Variants in PRKCH observed in about 807,000 individuals in gnomAD.
PRKCH encodes protein kinase C eta type.
A neutral mutation model predicts 82.5 loss-of-function variants in PRKCH; 28 were observed. The ratio of observed to expected loss-of-function variants is 0.34; its 90% CI spans 0.25 to 0.47. The LOEUF (loss-of-function observed/expected upper bound fraction) is 0.47, where lower values mean the gene tolerates loss of function less well. Among genes scored for constraint, PRKCH ranks in the 20% least tolerant of loss-of-function variants. The pLI, the probability that PRKCH is intolerant of heterozygous loss-of-function variation, is 1.00. For missense variants in PRKCH, 705 were observed against 881.8 expected (o/e 0.80, Z 2.54); for synonymous variants, 322 against 327.4 (o/e 0.98, Z 0.18).
chr14:61,303,845 T>A (rs1210839934), intron 1 of PRKCH: 1 of 27,544 alleles, frequency 3.6e-5, no homozygotes, highest in Non-Finnish European at 2.8e-4. Flanking sequence ...ATGTCTGTAT[T>A]TTTTTTTTTT....
intron 1 of PRKCH, among the ~76,000 whole-genome samples, chr14:61,381,070 G>T (rs2046502406): frequency 6.6e-6 from 1 of 152,146 alleles, no homozygotes. Context: ...TACTTGCCCT[G>T]TACAAAGTTC....
At chr14:61,339,517 G>GTTT (rs764902963) in intron 1 of PRKCH, among the ~76,000 whole-genome samples, 2 of 148,284 alleles carry the variant, frequency 1.3e-5, no homozygotes, top group Non-Finnish European at 3.0e-5. Context: ...TAGAGACGGG[G>GTTT]TTTCACCTTG....
rs1180724368 is a variant in PRKCH at position 61,547,430 on chromosome 14, A to AT, written c.1762-313_1762-312insT. Among the ~76,000 whole-genome samples the AT allele has an allele frequency of 2.0e-5, 3 of 152,202 alleles. No homozygotes were observed. In the East Asian group the frequency reaches 5.8e-4, roughly 29 times the overall value. On this transcript the variant is annotated intron_variant, in intron 12 of 13. Transcript: ENST00000332981. The stretch of plus-strand genomic sequence containing the variant: ...GTGTTGGGGAAAGGCACACTGTTAT[A>AT]AAGAGCTTCTTTTCTTTAAAGAGGA...
chr14:61,243,472 A>G (rs901282758), intron 1 of PRKCH, among the ~76,000 whole-genome samples: 1 of 152,044 alleles, frequency 6.6e-6, no homozygotes, highest in South Asian at 2.1e-4. Context: ...AGAGAATAAC[A>G]TGTGCAAAGA....
intron 1 of PRKCH, among the ~76,000 whole-genome samples, chr14:61,289,527 C>T (rs2045342719): frequency 1.3e-5 from 2 of 151,984 alleles, no homozygotes; most frequent in Non-Finnish European, 2.9e-5. Context: ...GGCAACATGG[C>T]AAAATCCTGT....
At chr14:61,192,018 T>TTGTGTG (rs67540297) in intron 1 of PRKCH, among the ~76,000 whole-genome samples, 4,747 of 148,684 alleles carry the variant, frequency 0.032, 116 homozygotes, top group African/African-American at 0.072. Context: ...TCCTAAAACA[T>TTGTGTG]TGTGTGTGTG....
intron 1 of PRKCH, among the ~76,000 whole-genome samples, chr14:61,199,503 GA>G (rs2044463612): frequency 6.6e-6 from 1 of 152,172 alleles, no homozygotes; most frequent in Non-Finnish European, 1.5e-5. Context: ...TTAAATCTAA[GA>G]AACTCATTCC....
intron 10 of PRKCH, among the ~76,000 whole-genome samples, chr14:61,515,239 T>A (rs142393939): frequency 6.6e-6 from 1 of 152,220 alleles, no homozygotes; most frequent in South Asian, 2.1e-4. Flanking sequence ...GTACAGATAC[T>A]GTTTCACTTC....
At chr14:61,197,951 C>T (rs560445492) in intron 1 of PRKCH, among the ~76,000 whole-genome samples, 1 of 152,252 alleles carries the variant, frequency 6.6e-6, no homozygotes, top group African/African-American at 2.4e-5. Flanking sequence ...CCAATCAAAT[C>T]CTTGACATTC....
intron 1 of PRKCH, among the ~76,000 whole-genome samples, chr14:61,349,628 C>T (rs988538157): frequency 6.6e-6 from 1 of 151,936 alleles, no homozygotes; most frequent in Non-Finnish European, 1.5e-5. Flanking sequence ...TTTGGGAGGC[C>T]GAGGTGGGTG....
Position 61,280,735 on chromosome 14 carries a change from C to G in PRKCH, c.-19+93067C>G, listed in dbSNP as rs45547638. 6.4e-7 allele frequency: 1 copy of G among 1,573,186 alleles called. No homozygotes were observed. Among genetic ancestry groups the G allele is most frequent in the Admixed American group, 1.8e-5 (1 of 54,736 alleles). ...CTCGTTGACAGGGTGGCGCAGCGCG[C>G]TGGGGAGTCCGCTCAGCTGCGCGTC... is the stretch of plus-strand genomic sequence containing the variant. On this transcript the variant is annotated intron_variant, in intron 1 of 3. Coordinates refer to the PRKCH transcript ENST00000555185. This position sits in a 1 kb window ranked among gnomAD's most constrained non-coding sequence, Gnocchi z 5.0.
At chr14:61,351,613 C>T (rs575901209) in intron 1 of PRKCH, among the ~76,000 whole-genome samples, 18 of 152,236 alleles carry the variant, frequency 1.2e-4, no homozygotes, top group African/African-American at 3.6e-4. Context: ...GGCACAGTGA[C>T]GATTCGAGAG....
At chr14:61,352,689 GGAAAGAAA>G (rs56406998) in intron 1 of PRKCH, among the ~76,000 whole-genome samples, 5,150 of 126,434 alleles carry the variant, frequency 0.041, 106 homozygotes, top group South Asian at 0.074. Flanking sequence ...AGAAAGGAAA[GGAAAGAAA>G]GAAAGAAAGA....
intron 1 of PRKCH, among the ~76,000 whole-genome samples, chr14:61,197,141 C>A (rs939039452): frequency 3.3e-5 from 5 of 152,188 alleles, no homozygotes; most frequent in Non-Finnish European, 7.3e-5. Context: ...AGCTTAAGGT[C>A]CCTATACAAA....
At chr14:61,196,245 C>A (rs1021507720) in intron 1 of PRKCH, among the ~76,000 whole-genome samples, 1 of 152,150 alleles carries the variant, frequency 6.6e-6, no homozygotes, top group Non-Finnish European at 1.5e-5. Context: ...TGTTAAGAAG[C>A]AAAGCCATCT....
intron 9 of PRKCH, chr14:61,476,433 G>T (rs183641061): frequency 1.3e-5 from 2 of 152,228 alleles, no homozygotes; most frequent in African/African-American, 2.4e-5. Context: ...GCCAAAGGAG[G>T]TTCCATCAGG....
At chr14:61,420,990 T>C (rs1882808301) in intron 2 of PRKCH, among the ~76,000 whole-genome samples, 1 of 152,024 alleles carries the variant, frequency 6.6e-6, no homozygotes. Context: ...TTTATGTAAA[T>C]CTCTGGTGTG....
intron 1 of PRKCH, among the ~76,000 whole-genome samples, chr14:61,286,614 T>C (rs1210558048): frequency 6.6e-6 from 1 of 151,678 alleles, no homozygotes; most frequent in Non-Finnish European, 1.5e-5. Context: ...CCGTCTCTAC[T>C]AAAAATACAA....
chr14:61,249,870 C>T lies in PRKCH; in HGVS notation c.-19+62202C>T, dbSNP rs548865183. On this transcript the variant is annotated intron_variant, in intron 1 of 3. Transcript: ENST00000555185. Reference sequence around the variant, plus strand: ...TCCTGACCTCGTGATCCACCCACCTCGGCTTCCCAAAGTGCTGGGATTACA... The same window carrying T: ...TCCTGACCTCGTGATCCACCCACCTTGGCTTCCCAAAGTGCTGGGATTACA... Among the ~76,000 whole-genome samples the T allele has an allele frequency of 5.7e-3, 868 of 151,846 alleles. 3 individuals are homozygous for T. Among genetic ancestry groups the T allele is most frequent in the African/African-American group, 0.02 (815 of 41,432 alleles).
Sources: allele counts gnomAD v4.1 joint callset (sites outside exome capture counted in the v4.1 genomes callset), GRCh38; gene constraint gnomAD v4.1.1; non-coding constraint Gnocchi (gnomAD v3.1); transcripts MANE v1.5; gene names NCBI Gene and HGNC (gene_info 2026-07-23, HGNC 2026-07-21).